GABRB3: variants seen among roughly 807,000 people sequenced by gnomAD.
GABRB3 encodes the protein gamma-aminobutyric acid type A receptor subunit beta3, also known as gamma-aminobutyric acid receptor subunit beta-3.
Under a neutral mutation model 52.1 loss-of-function variants are expected in GABRB3, and 14 were observed. The observed-to-expected ratio is 0.27, with a 90% CI of 0.18 to 0.42. The LOEUF is 0.42. GABRB3 is among the 10% of genes least tolerant of loss of function. The probability of loss-of-function intolerance (pLI) is 1.00; values close to 1 mark genes in which losing one functional copy is unlikely to be tolerated. For missense variants in GABRB3, 307 were observed against 609.1 expected (o/e 0.50, Z 5.22); for synonymous variants, 260 against 232.3 (o/e 1.12, Z -1.08).
chr15:26,742,714 T>C (rs1595337552), intron 3 of GABRB3, among the ~76,000 whole-genome samples: 1 of 152,198 alleles, frequency 6.6e-6, no homozygotes, highest in African/African-American at 2.4e-5. Context: ...TTCCAACTGC[T>C]TTTTAAATGC....
chr15:26,692,406 T>C (rs991872957), intron 3 of GABRB3, among the ~76,000 whole-genome samples: 4 of 152,184 alleles, frequency 2.6e-5, no homozygotes, highest in South Asian at 2.1e-4. Flanking sequence ...GTTCCCATGT[T>C]TGAACATCAC....
intron 6 of GABRB3, among the ~76,000 whole-genome samples, chr15:26,578,674 T>C (rs1260058452): frequency 1.3e-5 from 2 of 152,194 alleles, no homozygotes; most frequent in Non-Finnish European, 2.9e-5. Flanking sequence ...GAAATCCTCA[T>C]AGCAGCACGC....
intron 3 of GABRB3, among the ~76,000 whole-genome samples, chr15:26,641,842 G>T (rs1258513524): frequency 2.6e-5 from 4 of 151,890 alleles, no homozygotes. Context: ...ACACAGGTTT[G>T]AACTGTAGGG....
chr15:26,632,827 G>A (rs1280796518), intron 3 of GABRB3, among the ~76,000 whole-genome samples: 1 of 152,170 alleles, frequency 6.6e-6, no homozygotes, highest in East Asian at 1.9e-4. Context: ...CAAAAGTGCT[G>A]TAGCCATTAA....
At chr15:26,585,494 A>ATAAGGAAATAATGGAG (rs547003507) in intron 4 of GABRB3, among the ~76,000 whole-genome samples, 2,431 of 149,126 alleles carry the variant, frequency 0.016, 64 homozygotes, top group African/African-American at 0.057. Context: ...AACTCAGGTG[A>ATAAGGAAATAATGGAG]TAAAGTATGT....
chr15:26,751,706 G>T (rs1258487645), intron 3 of GABRB3, among the ~76,000 whole-genome samples: 1 of 152,048 alleles, frequency 6.6e-6, no homozygotes, highest in African/African-American at 2.4e-5. Context: ...TGTTGATTCA[G>T]CATTCCAGTA....
chr15:26,738,964 C>T lies in GABRB3; in HGVS notation c.240+33438G>A, dbSNP rs547319322. 1.5e-4 allele frequency among the ~76,000 whole-genome samples: 23 copies of T among 152,296 alleles called. 2 individuals carry two copies. The South Asian group carries it at 4.8e-3, about 32-fold the overall frequency. ...GGGGAAGAAAGACCTAGGATGTATT[C>T]AGCACGTGCAGTTTTCTTTCCTAAC... is the stretch of plus-strand genomic sequence containing the variant. On this transcript the variant is annotated intron_variant, in intron 3 of 8. Transcript: ENST00000311550.
At chr15:26,600,985 T>TG (rs1183198494) in intron 4 of GABRB3, among the ~76,000 whole-genome samples, 4 of 152,124 alleles carry the variant, frequency 2.6e-5, no homozygotes, top group South Asian at 2.1e-4. Context: ...AAAATGTGTG[T>TG]GGGGGGGAGT....
In GABRB3 at chr15:26,711,552, A is replaced by G. The variant is rs147113895; in HGVS notation, c.240+60850T>C. 4.0e-3 allele frequency among the ~76,000 whole-genome samples: 608 copies of G among 152,144 alleles called. 1 individual carries two copies. The highest frequency in any genetic ancestry group is 0.01 in the Middle Eastern group (3 of 292). On this transcript the variant is annotated intron_variant, in intron 3 of 8. Transcript: ENST00000311550. ...ATGAGAGTGATTTTGACTGGCTCTT[A>G]TCTAGATTTGTCAACACTACCTCCC... is the stretch of plus-strand genomic sequence containing the variant.
chr15:26,579,515 G>A (rs993494913), intron 6 of GABRB3, among the ~76,000 whole-genome samples: 1 of 152,190 alleles, frequency 6.6e-6, no homozygotes, highest in African/African-American at 2.4e-5. Context: ...TCACAGGACT[G>A]GGGTCAATTT....
chr15:26,614,730 C>G (rs1566775210), intron 4 of GABRB3: 1 of 152,090 alleles, frequency 6.6e-6, no homozygotes, highest in East Asian at 1.9e-4. Context: ...GCTAGTCAAA[C>G]GAATTCGATG....
intron 4 of GABRB3, among the ~76,000 whole-genome samples, 199 bp from the exon 5 acceptor site, chr15:26,583,613 G>GA (rs927949358): frequency 0.012 from 1,656 of 140,974 alleles, 36 homozygotes; most frequent in African/African-American, 0.041. Context: ...ATTTATCAAG[G>GA]AAAAAAAAAA....
At chr15:26,734,338 T>C (rs1322357119) in intron 3 of GABRB3, among the ~76,000 whole-genome samples, 1 of 151,926 alleles carries the variant, frequency 6.6e-6, no homozygotes, top group South Asian at 2.1e-4. Context: ...GACAAAACTA[T>C]AGGACTCTTA....
intron 3 of GABRB3, among the ~76,000 whole-genome samples, chr15:26,758,129 C>T (rs528124378): frequency 2.0e-5 from 3 of 150,630 alleles, no homozygotes; most frequent in East Asian, 1.9e-4. Context: ...GAAACATTCA[C>T]GCTTTTGTGA....
intron 3 of GABRB3, among the ~76,000 whole-genome samples, chr15:26,688,173 T>A (rs1014106529): frequency 5.9e-5 from 9 of 152,178 alleles, no homozygotes; most frequent in African/African-American, 2.2e-4. Context: ...GTATATCCAA[T>A]ACCTTTTTCT....
intron 6 of GABRB3, among the ~76,000 whole-genome samples, chr15:26,572,411 G>A (rs1359839456): frequency 6.6e-6 from 1 of 152,178 alleles, no homozygotes; most frequent in African/African-American, 2.4e-5. Flanking sequence ...AGCTTTCAAG[G>A]TAACGGACCC....
upstream of GABRB3, chr15:26,773,740 G>C (rs200666384): frequency 1.7e-4 from 269 of 1,554,110 alleles, 1 homozygote; most frequent in Admixed American, 3.3e-4. Context: ...TGTTCCTCCG[G>C]CCTAACCTGC....
intron 3 of GABRB3, among the ~76,000 whole-genome samples, chr15:26,761,751 G>A (rs1002864542): frequency 2.0e-4 from 31 of 152,094 alleles, no homozygotes; most frequent in Non-Finnish European, 3.7e-4. Context: ...TCAGGGAGCC[G>A]TATTTTGTTC....
At chr15:26,548,217 C>T in intron 8 of GABRB3, 83 bp from the exon 9 acceptor site, 1 of 1,046,240 alleles carries the variant, frequency 9.6e-7, no homozygotes, top group Non-Finnish European at 1.5e-6. Flanking sequence ...GATGTCATGC[C>T]ATCACATGTT....
Sources: allele counts gnomAD v4.1 joint callset (sites outside exome capture counted in the v4.1 genomes callset), GRCh38; gene constraint gnomAD v4.1.1; transcripts MANE v1.5; gene names NCBI Gene and HGNC (gene_info 2026-07-23, HGNC 2026-07-21).